TTC28: variants seen among roughly 807,000 people sequenced by gnomAD.
TTC28 encodes the protein tetratricopeptide repeat domain 28.
A neutral mutation model predicts 198.0 loss-of-function variants in TTC28; 61 were observed. That is an observed-to-expected ratio of 0.31 (90% CI 0.25 to 0.38). The LOEUF is 0.38. Ranked by LOEUF, TTC28 falls within the 10% of genes least tolerant of loss-of-function variation. TTC28 has a pLI of 1.00. For missense variants in TTC28, 2,678 were observed against 3,164.0 expected (o/e 0.85, Z 3.69); for synonymous variants, 1,171 against 1,297.8 (o/e 0.90, Z 2.10).
chr22:28,491,503 G>GA (rs2048378078), intron 2 of TTC28, among the ~76,000 whole-genome samples: 1 of 152,138 alleles, frequency 6.6e-6, no homozygotes, highest in South Asian at 2.1e-4. Flanking sequence ...AAAAACACAT[G>GA]AAAAAATGCT....
intron 6 of TTC28, among the ~76,000 whole-genome samples, chr22:28,153,480 G>A (rs183935700): frequency 1.0e-4 from 15 of 143,130 alleles, no homozygotes; most frequent in Admixed American, 2.9e-4. Context: ...TTTCTCATAC[G>A]TAAAATCAAT....
At chr22:28,210,931 T>C (rs1322812329) in intron 5 of TTC28, among the ~76,000 whole-genome samples, 3 of 152,142 alleles carry the variant, frequency 2.0e-5, no homozygotes, top group African/African-American at 7.2e-5. Context: ...GACTAACAGC[T>C]GATCTCAGGA....
chr22:28,399,166 T>C (rs1306521467), intron 2 of TTC28, among the ~76,000 whole-genome samples: 3 of 152,122 alleles, frequency 2.0e-5, no homozygotes, highest in Admixed American at 6.6e-5. Context: ...GTTTGAAATT[T>C]CTTAACTTCT....
At chr22:28,167,078 T>G (rs1051343215) in intron 5 of TTC28, among the ~76,000 whole-genome samples, 1 of 151,924 alleles carries the variant, frequency 6.6e-6, no homozygotes, top group Non-Finnish European at 1.5e-5. Flanking sequence ...CTAGAAGAAA[T>G]GGATAAATTC....
At chr22:28,568,992 C>T (rs1429676150) in intron 2 of TTC28, among the ~76,000 whole-genome samples, 2 of 151,740 alleles carry the variant, frequency 1.3e-5, no homozygotes, top group East Asian at 1.9e-4. Context: ...ACTAAAAATA[C>T]AAAAATTAGA....
At chr22:28,647,030 T>TA (rs2051480461) in intron 1 of TTC28, among the ~76,000 whole-genome samples, 1 of 152,098 alleles carries the variant, frequency 6.6e-6, no homozygotes, top group African/African-American at 2.4e-5. Context: ...GGTATAAAAG[T>TA]AGACACATAG....
chr22:28,629,506 A>AC, intron 2 of TTC28, 46 bp downstream of exon 2: 1 of 1,487,174 alleles, frequency 6.7e-7, no homozygotes, highest in Non-Finnish European at 9.0e-7. Context: ...AGAAGCCAGG[A>AC]CAAAAGATTC....
intron 2 of TTC28, among the ~76,000 whole-genome samples, chr22:28,568,918 A>G (rs5762694): frequency 0.66 from 99,556 of 151,886 alleles, 33,466 homozygotes; most frequent in South Asian, 0.78. Flanking sequence ...AGGCCAAGGC[A>G]AGCAGATCAC....
chr22:28,095,020 C>T (rs1941931144), intron 11 of TTC28, among the ~76,000 whole-genome samples: 1 of 152,040 alleles, frequency 6.6e-6, no homozygotes, highest in Non-Finnish European at 1.5e-5. Context: ...ACAGGAATTC[C>T]GATATACCAC....
chr22:28,570,298 A>C (rs1450801754), intron 2 of TTC28, among the ~76,000 whole-genome samples: 1 of 152,234 alleles, frequency 6.6e-6, no homozygotes, highest in African/African-American at 2.4e-5. Flanking sequence ...AAAGATATGG[A>C]ATCAACCTAG....
intron 2 of TTC28, among the ~76,000 whole-genome samples, chr22:28,514,917 TAATA>T (rs2048753729): frequency 6.6e-6 from 1 of 152,212 alleles, no homozygotes; most frequent in African/African-American, 2.4e-5. Context: ...CCCTATCCCC[TAATA>T]AATAAAAATC....
intron 5 of TTC28, among the ~76,000 whole-genome samples, chr22:28,270,643 C>A (rs555245075): frequency 1.9e-4 from 29 of 152,236 alleles, no homozygotes; most frequent in African/African-American, 6.5e-4. Flanking sequence ...ATGTGTTTCA[C>A]TTTTCCTAAC....
At chr22:28,632,252 AC>A (rs1182815539) in intron 1 of TTC28, among the ~76,000 whole-genome samples, 4 of 97,164 alleles carry the variant, frequency 4.1e-5, no homozygotes, top group Admixed American at 3.6e-4. Flanking sequence ...GTTATATTCA[AC>A]TTTTTTTTTT....
rs369246021 is a variant in TTC28 at position 28,392,323 on chromosome 22, G to T, written c.382-85680C>A. 2.1e-4 allele frequency among the ~76,000 whole-genome samples: 32 copies of T among 152,318 alleles called. No individual in the cohort carries two copies. The East Asian group carries it at 5.8e-3, about 28-fold the overall frequency. On this transcript the variant is annotated intron_variant, in intron 2 of 22. Coordinates refer to ENST00000397906, the MANE Select transcript of TTC28 (RefSeq NM_001145418.2). Reference sequence around the variant, plus strand: ...TGTCTGTGCCCTGCCCCCAGAGGTGGAGCCTACAGAGGCAGGCAGGCCTCC... The same window carrying T: ...TGTCTGTGCCCTGCCCCCAGAGGTGTAGCCTACAGAGGCAGGCAGGCCTCC...
intron 2 of TTC28, among the ~76,000 whole-genome samples, chr22:28,475,599 G>A (rs1035479027): frequency 1.3e-5 from 2 of 152,178 alleles, no homozygotes; most frequent in African/African-American, 4.8e-5. Flanking sequence ...TGAAGAGTCA[G>A]GCTTAGTTAA....
At chr22:28,586,091 T>C (rs547323846) in intron 2 of TTC28, among the ~76,000 whole-genome samples, 124 of 151,788 alleles carry the variant, frequency 8.2e-4, no homozygotes, top group African/African-American at 2.8e-3. Context: ...CCATCCTGGC[T>C]AACATGGTGA....
intron 12 of TTC28, among the ~76,000 whole-genome samples, chr22:28,055,891 T>G (rs1376828794): frequency 6.6e-6 from 1 of 152,184 alleles, no homozygotes; most frequent in Non-Finnish European, 1.5e-5. Flanking sequence ...TCTAATGTGT[T>G]TATTGTATAG....
At chr22:28,339,879 G>A (rs1021721006) in intron 2 of TTC28, among the ~76,000 whole-genome samples, 3 of 152,104 alleles carry the variant, frequency 2.0e-5, no homozygotes, top group African/African-American at 7.2e-5. Context: ...CTCACACTCA[G>A]TGGGCTGCAC....
intron 2 of TTC28, among the ~76,000 whole-genome samples, chr22:28,577,369 G>C (rs1276755582): frequency 6.6e-6 from 1 of 152,064 alleles, no homozygotes; most frequent in South Asian, 2.1e-4. Flanking sequence ...AATGTTGTAA[G>C]ACTTGTTTTG....
Sources: allele counts gnomAD v4.1 joint callset (sites outside exome capture counted in the v4.1 genomes callset), GRCh38; gene constraint gnomAD v4.1.1; transcripts MANE v1.5; gene names NCBI Gene and HGNC (gene_info 2026-07-23, HGNC 2026-07-21).